BCL2L15: variants seen among roughly 807,000 people sequenced by gnomAD.
BCL2L15 encodes the protein BCL2 like 15, also known as bcl-2-like protein 15.
BCL2L15 carries 15 observed loss-of-function variants against 18.3 expected under a neutral mutation model. The ratio of observed to expected loss-of-function variants is 0.82; its 90% CI spans 0.55 to 1.26. The LOEUF is 1.26. BCL2L15 is among the 50% of genes most tolerant of loss of function. The pLI, the probability that BCL2L15 is intolerant of heterozygous loss-of-function variation, is 0.00. For synonymous variants in BCL2L15, 58 were observed against 68.5 expected (o/e 0.85, Z 0.76); for missense variants, 180 against 201.7 (o/e 0.89, Z 0.65).
At position 113,887,501 on chromosome 1, in the gene BCL2L15, T is replaced by C. The variant is rs1163400444; in HGVS notation, c.-126A>G. ...CTTGTAGTTTCCTGACATGTAATCC[T>C]GGAACTTTTCCCACTAGCTTTCTTC... On this transcript the variant is annotated 5_prime_UTR_variant, in exon 1 of 4. Coordinates refer to ENST00000393316, the MANE Select transcript of BCL2L15 (RefSeq NM_001010922.3). 1.6e-5 allele frequency: 21 copies of C among 1,347,944 alleles called. No individual in the cohort carries two copies. In the Admixed American group the frequency reaches 3.9e-4, roughly 25 times the overall value. 83.5% of individuals were successfully genotyped at this position (1,347,944 alleles called of 1,614,324 possible).
chr1:113,886,730 A>C, intron 1 of BCL2L15, 72 bp from the exon 2 acceptor site: 1 of 1,456,626 alleles, frequency 6.9e-7, no homozygotes. Context: ...GGCAATGAGA[A>C]AAATTTGTCT....
intron 2 of BCL2L15, among the ~76,000 whole-genome samples, chr1:113,882,419 G>A (rs888789804): frequency 6.6e-6 from 1 of 151,956 alleles, no homozygotes; most frequent in African/African-American, 2.4e-5. Flanking sequence ...CTGAGACTGG[G>A]AGATCACCTG....
In BCL2L15 at chr1:113,880,101, T is replaced by C. The variant is rs1364936491; in HGVS notation, c.*1022A>G. On this transcript the variant is annotated 3_prime_UTR_variant, in exon 4 of 4. Transcript: ENST00000393316. ...GCTTTGTGTTATGCAGCTAGCTTCA[T>C]CTAAGCTGGGGTGGCCTTGCTGTCC... 1 of 152,354 alleles carries C rather than the reference T, an allele frequency of 6.6e-6. No individual in the cohort carries two copies. The highest frequency in any genetic ancestry group is 2.4e-5 in the African/African-American group (1 of 41,458). 9.4% of individuals were successfully genotyped at this position (152,354 alleles called of 1,614,324 possible).
At position 113,878,878 on chromosome 1, in the gene BCL2L15, T is replaced by G. The variant is rs1666792040; in HGVS notation, c.*2245A>C. ...TTTCTTTTTTTTTTTTTAGACAGTT[T>G]CGCTTTTGTAGCCCAGGCTGGAGTG... On this transcript the variant is annotated 3_prime_UTR_variant, in exon 4 of 4. Transcript: ENST00000393316. 6.6e-6 allele frequency: 1 copy of G among 151,962 alleles called. No homozygotes were observed. The highest frequency in any genetic ancestry group is 2.4e-5 in the African/African-American group (1 of 41,370). The allele number at this position is 151,962 out of a possible 1,614,324, so 9.4% of individuals were successfully genotyped here. A position where few individuals can be genotyped will look rare whatever the true frequency, so the allele number is the denominator to read the frequency against.
rs1471350686 is a variant in BCL2L15 at position 113,880,402 on chromosome 1, GAA to G, written c.*719_*720del. ...AGCACTTTGGGAGGCCAAGGCGGGC[GAA>G]TCACGAGGTCAGGAGATCCAGACCA... On this transcript the variant is annotated 3_prime_UTR_variant, in exon 4 of 4. Coordinates refer to ENST00000393316, the MANE Select transcript of BCL2L15 (RefSeq NM_001010922.3). 1 of 152,250 alleles carries G rather than the reference GAA, an allele frequency of 6.6e-6. No individual in the cohort carries two copies. The highest frequency in any genetic ancestry group is 2.4e-5 in the African/African-American group (1 of 41,444). 9.4% of individuals were successfully genotyped at this position (152,250 alleles called of 1,614,324 possible). A position where few individuals can be genotyped will look rare whatever the true frequency, so the allele number is the denominator to read the frequency against.
intron 3 of BCL2L15, chr1:113,881,458 G>A: frequency 7.4e-7 from 1 of 1,347,836 alleles, no homozygotes; most frequent in Non-Finnish European, 9.5e-7. Flanking sequence ...AAGGAACGGA[G>A]TGAAGCCAGG....
In BCL2L15 at chr1:113,879,761, A is replaced by G. The variant is rs1666815121; in HGVS notation, c.*1362T>C. On this transcript the variant is annotated 3_prime_UTR_variant, in exon 4 of 4. Coordinates refer to ENST00000393316, the MANE Select transcript of BCL2L15 (RefSeq NM_001010922.3). ...TTAACCAGCCATATGGTCTTCTATA[A>G]TCATTCAACTCTGCCATTGTAGCAC... 6 of 152,222 alleles carry G rather than the reference A, an allele frequency of 3.9e-5. No individual in the cohort carries two copies. Among genetic ancestry groups the G allele is most frequent in the Admixed American group, 3.9e-4 (6 of 15,290 alleles). 9.4% of individuals were successfully genotyped at this position (152,222 alleles called of 1,614,324 possible). A position where few individuals can be genotyped will look rare whatever the true frequency, so the allele number is the denominator to read the frequency against.
rs749767273 is a variant in BCL2L15, at chr1:113,881,858, A to G, written c.389T>C (p.Val130Ala). ...LEYMAHIAPE[V>A]VGQVAIPMTG... Reference sequence around the variant, plus strand: ...CATGGGGATAGCCACCTGTCCCACTACTTCAGGAGCAATGTGAGCCATGTA... The same window carrying G: ...CATGGGGATAGCCACCTGTCCCACTGCTTCAGGAGCAATGTGAGCCATGTA... The change falls in exon 3 of 4, where the codon GTA becomes GCA. Residue 130 changes from valine to alanine, a missense_variant. By Grantham distance (64) the Val-to-Ala change is moderately conservative (BLOSUM62 0). Coordinates refer to ENST00000393316, the MANE Select transcript of BCL2L15 (RefSeq NM_001010922.3). 2.3e-5 allele frequency: 37 copies of G among 1,614,068 alleles called. No homozygotes were observed. Among genetic ancestry groups the G allele is most frequent in the Middle Eastern group, 1.6e-4 (1 of 6,084 alleles).
rs1184912238 is a variant in BCL2L15 at position 113,880,439 on chromosome 1, A to C, written c.*684T>G. 1 of 152,324 alleles carries C rather than the reference A, an allele frequency of 6.6e-6. No homozygotes were observed. The highest frequency in any genetic ancestry group is 1.5e-5 in the Non-Finnish European group (1 of 68,142). 9.4% of individuals were successfully genotyped at this position (152,324 alleles called of 1,614,324 possible). On this transcript the variant is annotated 3_prime_UTR_variant, in exon 4 of 4. Transcript: ENST00000393316. ...CAGGAGATCCAGACCATCCTGGCTA[A>C]CACGGCGAAACCTCATCTCTACTAA...
chr1:113,882,371 G>T (rs1013712152), intron 2 of BCL2L15, among the ~76,000 whole-genome samples: 2 of 152,202 alleles, frequency 1.3e-5, no homozygotes, highest in Non-Finnish European at 2.9e-5. Context: ...AAGGCCGGGG[G>T]CAGTGGCTCA....
At chr1:113,886,448 C>G (rs1667038023) in intron 2 of BCL2L15, 89 bp downstream of exon 2, 1 of 1,319,662 alleles carries the variant, frequency 7.6e-7, no homozygotes, top group Admixed American at 2.4e-5. Flanking sequence ...ATAGAACATT[C>G]CTAGTCACTG....
Position 113,887,484 on chromosome 1 carries a change from TTCCTGACATGTAA to T in BCL2L15, c.-122_-110del. The stretch of plus-strand genomic sequence containing the variant: ...AACAAATGTTTCTACCTCTTGTAGT[TTCCTGACATGTAA>T]TCCTGGAACTTTTCCCACTAGCTTT... On this transcript the variant is annotated 5_prime_UTR_variant, in exon 1 of 4. It removes an upstream start codon present in the reference 5' UTR. Coordinates refer to ENST00000393316, the MANE Select transcript of BCL2L15 (RefSeq NM_001010922.3). The T allele has an allele frequency of 6.8e-7, 1 of 1,465,756 alleles. No individual in the cohort carries two copies. The allele number at this position is 1,465,756 out of a possible 1,614,324, so 90.8% of individuals were successfully genotyped here.
rs114942995 is a variant in BCL2L15 at position 113,881,794 on chromosome 1, G to T, written c.453C>A (p.Phe151Leu). 26 of 1,614,118 alleles carry T rather than the reference G, an allele frequency of 1.6e-5. No homozygotes were observed. The East Asian group carries it at 5.6e-4, about 35-fold the overall frequency. The change falls in exon 3 of 4, where the codon TTC (phenylalanine) becomes TTA (leucine). Residue 151 changes from phenylalanine to leucine, a missense_variant. Phe to Leu is a conservative substitution (Grantham distance 22). Coordinates refer to ENST00000393316, the MANE Select transcript of BCL2L15 (RefSeq NM_001010922.3). ...TTACCCAACCTCCCTGGCCCTGGAT[G>T]AACTCCCGGATGGCTTGGTTCCCAT... ...MINGNQAIRE[F>L]IQGQGGWENL...
chr1:113,887,444 A>G lies in BCL2L15; in HGVS notation c.-69T>C. The G allele has an allele frequency of 6.2e-7, 1 of 1,604,318 alleles. No individual in the cohort carries two copies. The highest frequency in any genetic ancestry group is 1.7e-5 in the Admixed American group (1 of 59,426). On this transcript the variant is annotated 5_prime_UTR_variant, in exon 1 of 4. Coordinates refer to ENST00000393316, the MANE Select transcript of BCL2L15 (RefSeq NM_001010922.3). The stretch of plus-strand genomic sequence containing the variant: ...AGTTTTCAGCCCAGCAGGAAGTTAA[A>G]AACACTGGTAAATCAACAAATGTTT...
In BCL2L15 at chr1:113,877,760, T is replaced by C. The variant is rs1253106564; in HGVS notation, c.*3363A>G. On this transcript the variant is annotated 3_prime_UTR_variant, in exon 4 of 4. Transcript: ENST00000393316. ...TTGAAAGCCTAAGTAGGAGGCTTTA[T>C]TAATAGTCCAGGCAGTTGCTAATAA... Among the ~76,000 whole-genome samples, 1 of 152,180 alleles carries C rather than the reference T, an allele frequency of 6.6e-6. No individual in the cohort carries two copies.
At chr1:113,881,362 G>GT (rs911792696) in intron 3 of BCL2L15, 4 of 1,050,636 alleles carry the variant, frequency 3.8e-6, no homozygotes, top group Non-Finnish European at 5.3e-6. Flanking sequence ...AGCAAAGACT[G>GT]TTTTTTCTTA....
intron 2 of BCL2L15, among the ~76,000 whole-genome samples, chr1:113,882,827 C>A (rs1571511395): frequency 6.6e-6 from 1 of 152,144 alleles, no homozygotes; most frequent in Admixed American, 6.5e-5. Context: ...GTAGTCCCAA[C>A]TACTTATGAG....
chr1:113,886,290 G>C (rs1347818673), intron 2 of BCL2L15, among the ~76,000 whole-genome samples: 5 of 151,112 alleles, frequency 3.3e-5, no homozygotes, highest in African/African-American at 1.2e-4. Context: ...TGCACACTAA[G>C]CACAACAGCT....
chr1:113,881,277 G>T, intron 3 of BCL2L15, 137 bp from the exon 4 acceptor site: 1 of 1,332,620 alleles, frequency 7.5e-7, no homozygotes, highest in Non-Finnish European at 1.1e-6. Flanking sequence ...AAATGGAAAG[G>T]AGTGCTCTAT....
Sources: allele counts gnomAD v4.1 joint callset (sites outside exome capture counted in the v4.1 genomes callset), GRCh38; gene constraint gnomAD v4.1.1; transcripts MANE v1.5; gene names NCBI Gene and HGNC (gene_info 2026-07-23, HGNC 2026-07-21).